Variants in MSI2 observed in about 807,000 individuals in gnomAD.
The protein encoded by MSI2 is musashi RNA binding protein 2, also known as RNA-binding protein Musashi homolog 2.
MSI2 carries 17 observed loss-of-function variants against 45.6 expected under a neutral mutation model. The ratio of observed to expected loss-of-function variants is 0.37; its 90% CI spans 0.26 to 0.56. The LOEUF is 0.56. MSI2 is among the 20% of genes least tolerant of loss of function. The pLI, the probability that MSI2 is intolerant of heterozygous loss-of-function variation, is 0.77. For synonymous variants in MSI2, 156 were observed against 158.2 expected (o/e 0.99, Z 0.11); for missense variants, 293 against 444.2 (o/e 0.66, Z 3.06).
intron 7 of MSI2, among the ~76,000 whole-genome samples, chr17:57,591,763 T>C (rs1304402512): frequency 6.7e-6 from 1 of 148,398 alleles, no homozygotes; most frequent in African/African-American, 2.5e-5. Flanking sequence ...TAGAGGTTAC[T>C]AGGGCTGGGG....
At chr17:57,453,002 CTTTTT>C (rs59001273) in intron 6 of MSI2, among the ~76,000 whole-genome samples, 1 of 118,276 alleles carries the variant, frequency 8.5e-6, no homozygotes, top group Non-Finnish European at 1.7e-5. Flanking sequence ...GGTTGAGGGA[CTTTTT>C]TTTTTTTTTT....
At chr17:57,308,713 C>T (rs1013760823) in intron 5 of MSI2, among the ~76,000 whole-genome samples, 1 of 152,170 alleles carries the variant, frequency 6.6e-6, no homozygotes, top group Non-Finnish European at 1.5e-5. Flanking sequence ...CCAGCCTGCT[C>T]TCTCTTCCTC....
In MSI2 at chr17:57,681,623, A is replaced by G. The variant is rs1440003960; in HGVS notation, c.*2106A>G. 2 of 185,404 alleles carry G rather than the reference A, an allele frequency of 1.1e-5. No homozygotes were observed. Among genetic ancestry groups the G allele is most frequent in the African/African-American group, 4.7e-5 (2 of 42,554 alleles). 11.5% of individuals were successfully genotyped at this position (185,404 alleles called of 1,614,324 possible). A position where few individuals can be genotyped will look rare whatever the true frequency, so the allele number is the denominator to read the frequency against. On this transcript the variant is annotated 3_prime_UTR_variant, in exon 14 of 14. Transcript: ENST00000284073. Reference sequence around the variant, plus strand: ...TCAATTCTAATGAAACAGCAACAACATTTTTTTTAATTAAAAAAAAAATCA... The same window carrying G: ...TCAATTCTAATGAAACAGCAACAACGTTTTTTTTAATTAAAAAAAAAATCA...
chr17:57,306,731 T>C (rs566103328), intron 5 of MSI2, among the ~76,000 whole-genome samples: 24 of 152,180 alleles, frequency 1.6e-4, no homozygotes, highest in Admixed American at 4.6e-4. Flanking sequence ...ATCTATCTAT[T>C]TGTTTGTTTG....
chr17:57,279,461 TGCAGAGGAGG>T (rs1235139888), intron 5 of MSI2: 1 of 152,104 alleles, frequency 6.6e-6, no homozygotes, highest in Non-Finnish European at 1.5e-5. Context: ...GGGTGTAATG[TGCAGAGGAGG>T]GCAGAGGGAA....
chr17:57,353,866 C>T (rs1416412253), intron 5 of MSI2, among the ~76,000 whole-genome samples: 1 of 152,050 alleles, frequency 6.6e-6, no homozygotes, highest in Non-Finnish European at 1.5e-5. Context: ...GATCAGCAAA[C>T]TCTTTTTTTT....
chr17:57,285,790 G>A, intron 5 of MSI2: 1 of 1,310,606 alleles, frequency 7.6e-7, no homozygotes, highest in Middle Eastern at 2.6e-4. Flanking sequence ...TATATTTTTA[G>A]AAATGTTTTC....
chr17:57,530,515 G>A (rs2086799865), intron 7 of MSI2, among the ~76,000 whole-genome samples: 1 of 152,184 alleles, frequency 6.6e-6, no homozygotes, highest in South Asian at 2.1e-4. Context: ...CAAAGGAGGT[G>A]ATGACTTAGT....
At chr17:57,375,304 G>T (rs186753749) in intron 5 of MSI2, among the ~76,000 whole-genome samples, 1 of 152,164 alleles carries the variant, frequency 6.6e-6, no homozygotes, top group Non-Finnish European at 1.5e-5. Flanking sequence ...TAGTCAAGTA[G>T]GTCAGCCGCA....
At position 57,616,063 on chromosome 17, in the gene MSI2, A is replaced by T; in HGVS notation, c.631A>T (p.Met211Leu). ...RGLPYTMDAF[M>L]LGMGMLGYPN... is the part of the protein sequence containing the mutation. ...ACTGCCTTACACCATGGACGCGTTC[A>T]TGCTTGGCATGGGGATGCTGGGTGA... The change falls in exon 9 of 14, where the codon ATG (methionine) becomes TTG (leucine). Residue 211 changes from methionine to leucine, a missense_variant. Met to Leu is a conservative substitution (Grantham distance 15). Coordinates refer to ENST00000284073, the MANE Select transcript of MSI2 (RefSeq NM_138962.4). The T allele has an allele frequency of 6.2e-7, 1 of 1,614,054 alleles. No homozygotes were observed. The highest frequency in any genetic ancestry group is 2.2e-5 in the East Asian group (1 of 44,868).
chr17:57,435,054 T>C (rs2084666624), intron 6 of MSI2, among the ~76,000 whole-genome samples: 1 of 152,202 alleles, frequency 6.6e-6, no homozygotes, highest in East Asian at 1.9e-4. Flanking sequence ...GAAGAAAATT[T>C]CCACTAATGT....
chr17:57,653,970 A>G (rs910135976), intron 11 of MSI2, among the ~76,000 whole-genome samples: 1 of 139,972 alleles, frequency 7.1e-6, no homozygotes, highest in Non-Finnish European at 1.5e-5. Context: ...ATGGTGTTTG[A>G]TTTGTAGCCA....
At chr17:57,465,945 T>C (rs960736043) in intron 6 of MSI2, among the ~76,000 whole-genome samples, 2 of 152,244 alleles carry the variant, frequency 1.3e-5, no homozygotes, top group African/African-American at 4.8e-5. Flanking sequence ...GGCTTTGGAA[T>C]CATAAGGTTG....
intron 5 of MSI2, among the ~76,000 whole-genome samples, chr17:57,362,717 C>T (rs1003784079): frequency 4.6e-5 from 7 of 152,072 alleles, no homozygotes; most frequent in African/African-American, 1.4e-4. Flanking sequence ...TCCCTCTTTA[C>T]ATGCCACCCC....
At chr17:57,393,770 C>T (rs1044545518) in intron 5 of MSI2, among the ~76,000 whole-genome samples, 1 of 152,234 alleles carries the variant, frequency 6.6e-6, no homozygotes, top group African/African-American at 2.4e-5. Context: ...TAACCTCCGC[C>T]TCCCGGGTTC....
In MSI2 at chr17:57,627,378, T is replaced by C; in HGVS notation, c.727+75T>C. The C allele has an allele frequency of 7.9e-7, 1 of 1,267,656 alleles. No individual in the cohort carries two copies. The highest frequency in any genetic ancestry group is 1.2e-6 in the Non-Finnish European group (1 of 865,756). The allele number at this position is 1,267,656 out of a possible 1,614,324, so 78.5% of individuals were successfully genotyped here. On this transcript the variant is annotated intron_variant, in intron 10 of 13. Transcript: ENST00000284073. The surrounding 1 kb of genome is among the most constrained non-coding windows in gnomAD (Gnocchi z 4.6). ...ATTTGCGGGGAGGTGAGAGGACCCC[T>C]AAAGAGAATGCATTTCTTACATGCA...
At chr17:57,329,104 G>A (rs1253717079) in intron 5 of MSI2, among the ~76,000 whole-genome samples, 1 of 152,016 alleles carries the variant, frequency 6.6e-6, no homozygotes, top group Non-Finnish European at 1.5e-5. Flanking sequence ...GCCCTGAGAT[G>A]GTATTTGGAC....
At chr17:57,368,922 A>T (rs950647469) in intron 5 of MSI2, among the ~76,000 whole-genome samples, 1 of 152,240 alleles carries the variant, frequency 6.6e-6, no homozygotes, top group Non-Finnish European at 1.5e-5. Context: ...AAGGAACGGC[A>T]TGCCTGAAAT....
At chr17:57,614,798 TTTAC>T (rs1408430066) in intron 8 of MSI2, among the ~76,000 whole-genome samples, 1 of 152,162 alleles carries the variant, frequency 6.6e-6, no homozygotes, top group Non-Finnish European at 1.5e-5. Context: ...GGGCCACAGT[TTTAC>T]TTATTCCCTG....
Sources: allele counts gnomAD v4.1 joint callset (sites outside exome capture counted in the v4.1 genomes callset), GRCh38; gene constraint gnomAD v4.1.1; non-coding constraint Gnocchi (gnomAD v3.1); transcripts MANE v1.5; gene names NCBI Gene and HGNC (gene_info 2026-07-23, HGNC 2026-07-21).